RHOA: variants seen among roughly 807,000 people sequenced by gnomAD.
RHOA encodes the protein transforming protein RhoA.
In RHOA, 3 loss-of-function variants were observed where a neutral mutation model predicts 17.5. That is an observed-to-expected ratio of 0.17 (90% CI 0.08 to 0.44). The LOEUF is 0.44. Among genes scored for constraint, RHOA ranks in the 20% least tolerant of loss-of-function variants. RHOA has a pLI of 0.99. For missense variants in RHOA, 56 were observed against 242.3 expected (o/e 0.23, Z 5.10); for synonymous variants, 98 against 88.4 (o/e 1.11, Z -0.61).
At chr3:49,393,401 G>A (rs1035867646) in intron 1 of RHOA, among the ~76,000 whole-genome samples, 1 of 151,568 alleles carries the variant, frequency 6.6e-6, no homozygotes, top group African/African-American at 2.4e-5. Context: ...CAACCTCCCA[G>A]GCTCAATCAG....
At chr3:49,387,117 C>CAAAAAA (rs56262356) in intron 1 of RHOA, among the ~76,000 whole-genome samples, 4 of 24,642 alleles carry the variant, frequency 1.6e-4, no homozygotes, top group Non-Finnish European at 2.1e-4. Context: ...AACTCCGTCT[C>CAAAAAA]AAAAAAAAAA....
intron 3 of RHOA, among the ~76,000 whole-genome samples, chr3:49,363,166 C>G (rs1199535186): frequency 6.6e-6 from 1 of 152,148 alleles, no homozygotes; most frequent in Admixed American, 6.6e-5. Context: ...TGCCTGTAAT[C>G]CCAGCACTTT....
chr3:49,379,776 A>C (rs907367527), intron 1 of RHOA, among the ~76,000 whole-genome samples: 2 of 152,182 alleles, frequency 1.3e-5, no homozygotes, highest in Non-Finnish European at 2.9e-5. Flanking sequence ...TGTCTCTCCC[A>C]GTGTGTTGGG....
At chr3:49,408,854 G>A (rs1181240698) in intron 1 of RHOA, among the ~76,000 whole-genome samples, 3 of 151,110 alleles carry the variant, frequency 2.0e-5, no homozygotes, top group African/African-American at 4.9e-5. Flanking sequence ...GCACAGTGGC[G>A]CGATCTCAGC....
chr3:49,396,491 G>T (rs978067811), intron 1 of RHOA, among the ~76,000 whole-genome samples: 1 of 152,092 alleles, frequency 6.6e-6, no homozygotes, highest in Admixed American at 6.6e-5. Context: ...GGCGGATCAC[G>T]AGGTCAGCAG....
intron 1 of RHOA, among the ~76,000 whole-genome samples, chr3:49,376,918 C>T (rs758355814): frequency 2.6e-5 from 4 of 151,198 alleles, no homozygotes; most frequent in Non-Finnish European, 5.9e-5. Flanking sequence ...CACCTGAGGT[C>T]AGGAGTTTGA....
intron 2 of RHOA, among the ~76,000 whole-genome samples, chr3:49,371,896 A>G (rs2048152527): frequency 6.6e-6 from 1 of 152,204 alleles, no homozygotes; most frequent in Admixed American, 6.5e-5. Context: ...AAGAGAACCA[A>G]AGAGCTGCTT....
intron 4 of RHOA, 93 bp from the exon 5 acceptor site, chr3:49,360,475 T>G: frequency 7.1e-7 from 1 of 1,410,718 alleles, no homozygotes. Context: ...AGATTTTTTT[T>G]TCTTTTTTTG....
chr3:49,379,346 T>TA (rs1237342909), intron 1 of RHOA, among the ~76,000 whole-genome samples: 2 of 151,982 alleles, frequency 1.3e-5, no homozygotes, highest in Non-Finnish European at 2.9e-5. Context: ...AAAGAGAAAA[T>TA]AGACTGGTAG....
intron 1 of RHOA, among the ~76,000 whole-genome samples, chr3:49,410,395 T>C (rs565216753): frequency 7.8e-4 from 118 of 152,228 alleles, no homozygotes; most frequent in African/African-American, 2.7e-3. Flanking sequence ...ACTCTCTTCT[T>C]CCCTCCAACA....
intron 2 of RHOA, among the ~76,000 whole-genome samples, chr3:49,369,006 CT>C (rs1160140765): frequency 2.9e-3 from 175 of 59,642 alleles, no homozygotes; most frequent in East Asian, 0.013. Flanking sequence ...CGCGCCTGGC[CT>C]TTTTTTTTTT....
intron 1 of RHOA, among the ~76,000 whole-genome samples, chr3:49,403,113 A>G (rs1366248306): frequency 1.3e-5 from 2 of 151,962 alleles, no homozygotes; most frequent in Non-Finnish European, 2.9e-5. Flanking sequence ...AAGCAGAGGC[A>G]GGCGGATCAC....
chr3:49,363,682 T>C (rs1351039989), intron 3 of RHOA, among the ~76,000 whole-genome samples: 1 of 151,320 alleles, frequency 6.6e-6, no homozygotes, highest in Non-Finnish European at 1.5e-5. Context: ...CGAAACCTCA[T>C]CTCTACTAAA....
At chr3:49,392,110 G>A (rs966237668) in intron 1 of RHOA, among the ~76,000 whole-genome samples, 1 of 151,984 alleles carries the variant, frequency 6.6e-6, no homozygotes, top group Non-Finnish European at 1.5e-5. Flanking sequence ...TTACAGGCGT[G>A]AGCCACCACA....
chr3:49,411,092 C>T (rs776250518), intron 1 of RHOA, among the ~76,000 whole-genome samples: 1 of 152,148 alleles, frequency 6.6e-6, no homozygotes, highest in South Asian at 2.1e-4. Flanking sequence ...GACTAAGCAA[C>T]ATTGCATCTA....
intron 2 of RHOA, among the ~76,000 whole-genome samples, chr3:49,370,620 T>C (rs2048133790): frequency 6.6e-6 from 1 of 152,060 alleles, no homozygotes. Context: ...ATGCATCACG[T>C]AAGGTGAGAG....
intron 3 of RHOA, among the ~76,000 whole-genome samples, chr3:49,364,189 A>C (rs1167411857): frequency 1.3e-5 from 2 of 152,012 alleles, no homozygotes; most frequent in Non-Finnish European, 2.9e-5. Flanking sequence ...ATCTCTATTA[A>C]AAATACAAAA....
intron 1 of RHOA, among the ~76,000 whole-genome samples, chr3:49,382,952 G>T (rs2048340529): frequency 6.6e-6 from 1 of 151,904 alleles, no homozygotes; most frequent in African/African-American, 2.4e-5. Context: ...CTACTGAGAT[G>T]CTGAGGCAGG....
At chr3:49,404,032 G>A (rs1196066168) in intron 1 of RHOA, among the ~76,000 whole-genome samples, 1 of 137,380 alleles carries the variant, frequency 7.3e-6, no homozygotes, top group Non-Finnish European at 1.6e-5. Flanking sequence ...GGACTCAGTG[G>A]CTCATGCCCG....
Sources: gnomAD v4.1 joint callset for allele counts (sites outside exome capture counted in the v4.1 genomes callset) on GRCh38, gnomAD v4.1.1 for gene constraint, MANE v1.5 for transcripts, NCBI Gene and HGNC (gene_info 2026-07-23, HGNC 2026-07-21) for gene names.